The following CD302 variants were observed in gnomAD, a reference collection of about 807,000 sequenced individuals.
CD302 encodes CD302 antigen.
In CD302, 23 loss-of-function variants were observed where a neutral mutation model predicts 26.5. That is an observed-to-expected ratio of 0.87 (90% confidence interval 0.62 to 1.23). The LOEUF (loss-of-function observed/expected upper bound fraction) is 1.23, where lower values mean the gene tolerates loss of function less well. Among genes scored for constraint, CD302 ranks in the 50% most tolerant of loss-of-function variants. The probability of loss-of-function intolerance (pLI) is 0.00; values close to 1 mark genes in which losing one functional copy is unlikely to be tolerated. For synonymous variants in CD302, 90 were observed against 99.4 expected (o/e 0.91, Z 0.56); for missense variants, 290 against 275.5 (o/e 1.05, Z -0.37).
At chr2:159,797,654 C>T (rs919620501) in intron 1 of CD302, among the ~76,000 whole-genome samples, 1 of 152,202 alleles carries the variant, frequency 6.6e-6, no homozygotes, top group Non-Finnish European at 1.5e-5. Context: ...ACTAGACAAA[C>T]AGCGCTGCTT....
chr2:159,771,286 CTT>C lies in CD302; in HGVS notation c.*563_*564del, dbSNP rs1276915736. 4.6e-5 allele frequency: 7 copies of C among 152,506 alleles called. No individual in the cohort carries two copies. Among genetic ancestry groups the C allele is most frequent in the Admixed American group, 3.9e-4 (6 of 15,320 alleles). 9.4% of individuals were successfully genotyped at this position (152,506 alleles called of 1,614,324 possible). The stretch of plus-strand genomic sequence containing the variant: ...AATAATTTATAAACATTCATTAAAA[CTT>C]GAGTCATTTGTGATAAAATGGTGTG... On this transcript the variant is annotated 3_prime_UTR_variant, in exon 6 of 6. Coordinates refer to ENST00000259053, the MANE Select transcript of CD302 (RefSeq NM_014880.5).
chr2:159,798,069 G>A, intron 1 of CD302, 63 bp downstream of exon 1: 4 of 1,428,130 alleles, frequency 2.8e-6, no homozygotes, highest in Non-Finnish European at 3.7e-6. Flanking sequence ...CGAAGAGCGT[G>A]CGTTGGGAAG....
intron 1 of CD302, among the ~76,000 whole-genome samples, chr2:159,788,914 C>T (rs1314905539): frequency 6.6e-6 from 1 of 152,076 alleles, no homozygotes; most frequent in Non-Finnish European, 1.5e-5. Flanking sequence ...CCTGTATATC[C>T]TTTTGCTCTT....
intron 5 of CD302, among the ~76,000 whole-genome samples, chr2:159,775,745 A>G (rs1039438319): frequency 6.6e-6 from 1 of 152,188 alleles, no homozygotes; most frequent in South Asian, 2.1e-4. Flanking sequence ...TCATTTTGTA[A>G]AATGGAAACT....
In CD302 at chr2:159,771,392, C is replaced by A. The variant is rs944030675; in HGVS notation, c.*459G>T. On this transcript the variant is annotated 3_prime_UTR_variant, in exon 6 of 6. Coordinates refer to ENST00000259053, the MANE Select transcript of CD302 (RefSeq NM_014880.5). Reference sequence around the variant, plus strand: ...TCTTCATCTAAATCATAAAAAGATACACATTCTAGAGGAATTATCTGCCAA... The same window carrying A: ...TCTTCATCTAAATCATAAAAAGATAAACATTCTAGAGGAATTATCTGCCAA... 1 of 152,666 alleles carries A rather than the reference C, an allele frequency of 6.6e-6. No individual in the cohort carries two copies. The highest frequency in any genetic ancestry group is 1.5e-5 in the Non-Finnish European group (1 of 68,438). The allele number at this position is 152,666 out of a possible 1,614,324, so 9.5% of individuals were successfully genotyped here.
chr2:159,784,043 C>A (rs1055114510), intron 1 of CD302, among the ~76,000 whole-genome samples: 6 of 152,110 alleles, frequency 3.9e-5, no homozygotes, highest in Admixed American at 3.3e-4. Context: ...GAAATAGAAC[C>A]ATAACTCTTC....
intron 1 of CD302, among the ~76,000 whole-genome samples, chr2:159,784,774 C>A (rs1420923727): frequency 1.3e-5 from 2 of 152,112 alleles, no homozygotes; most frequent in Non-Finnish European, 2.9e-5. Flanking sequence ...GTTTACTAAG[C>A]TCAGAATATG....
chr2:159,791,550 C>T (rs1708807332), intron 1 of CD302, among the ~76,000 whole-genome samples: 1 of 152,126 alleles, frequency 6.6e-6, no homozygotes, highest in Non-Finnish European at 1.5e-5. Context: ...TCCTGTTTTC[C>T]CAAATGATTG....
chr2:159,794,133 C>T (rs1022237276), intron 1 of CD302, among the ~76,000 whole-genome samples: 3 of 150,744 alleles, frequency 2.0e-5, no homozygotes, highest in Non-Finnish European at 3.0e-5. Context: ...GGCATGGTGG[C>T]ATGCACCTGT....
At position 159,798,162 on chromosome 2, in the gene CD302, ACGG is replaced by A; in HGVS notation, c.34_36del (p.Pro12del). On this transcript the variant is annotated inframe_deletion, in exon 1 of 6. Transcript: ENST00000259053. Reference sequence around the variant, plus strand: ...ACGGCAGCAGCGGCGAGGCCCAGCAACGGCAGCAGGAGCGCGGGCAGCGCGGCC... The same window carrying A: ...ACGGCAGCAGCGGCGAGGCCCAGCAACAGCAGGAGCGCGGGCAGCGCGGCC... 6.7e-7 allele frequency: 1 copy of A among 1,483,408 alleles called. No individual in the cohort carries two copies. The highest frequency in any genetic ancestry group is 8.9e-7 in the Non-Finnish European group (1 of 1,122,686). The allele number at this position is 1,483,408 out of a possible 1,614,324, so 91.9% of individuals were successfully genotyped here.
At chr2:159,777,755 A>C (rs551752717) in intron 5 of CD302, among the ~76,000 whole-genome samples, 183 bp downstream of exon 5, 35 of 152,312 alleles carry the variant, frequency 2.3e-4, no homozygotes, top group Non-Finnish European at 4.6e-4. Flanking sequence ...ACAAAACTAC[A>C]TATTGTAGAA....
chr2:159,773,041 C>A (rs888886132), intron 5 of CD302, among the ~76,000 whole-genome samples: 1 of 151,904 alleles, frequency 6.6e-6, no homozygotes, highest in Non-Finnish European at 1.5e-5. Context: ...TGAAAAAAAG[C>A]CAAGAATTCC....
Position 159,771,864 on chromosome 2 carries a change from A to G in CD302, c.686T>C (p.Val229Ala), listed in dbSNP as rs1257403350. The G allele has an allele frequency of 6.2e-6, 10 of 1,613,774 alleles. No homozygotes were observed. The highest frequency in any genetic ancestry group is 1.3e-5 in the African/African-American group (1 of 74,930). ...LVVGEENEYP[V>A]QFD ...ATTACCAAAAACTTAGTCAAATTGAACAGGATATTCATTTTCTTCTCCAAC... is the reference window on the plus strand; with the variant it reads ...ATTACCAAAAACTTAGTCAAATTGAGCAGGATATTCATTTTCTTCTCCAAC... Residue 229 changes from valine (V) to alanine (A), a missense_variant, in exon 6 of 6, where the codon GTT (valine) becomes GCT (alanine). By Grantham distance (64) the Val-to-Ala change is moderately conservative (BLOSUM62 0). Transcript: ENST00000259053.
chr2:159,794,611 C>T (rs1238735705), intron 1 of CD302, among the ~76,000 whole-genome samples: 6 of 151,670 alleles, frequency 4.0e-5, no homozygotes, highest in Admixed American at 6.6e-5. Context: ...TGCAGTGGCG[C>T]GATCTCAGCT....
chr2:159,789,394 A>T (rs1163171267), intron 1 of CD302, among the ~76,000 whole-genome samples: 1 of 152,152 alleles, frequency 6.6e-6, no homozygotes, highest in African/African-American at 2.4e-5. Context: ...TTATATTTTT[A>T]AAATTTCAAT....
intron 1 of CD302, among the ~76,000 whole-genome samples, chr2:159,794,305 T>TAAAATAAAATAATAA (rs1553795853): frequency 0.14 from 14,722 of 107,476 alleles, 1,696 homozygotes; most frequent in Admixed American, 0.28. Flanking sequence ...AATAAAATAA[T>TAAAATAAAATAATAA]AAAAAAAAAA....
At chr2:159,792,949 A>G (rs1364023928) in intron 1 of CD302, among the ~76,000 whole-genome samples, 2 of 152,196 alleles carry the variant, frequency 1.3e-5, no homozygotes, top group Non-Finnish European at 2.9e-5. Flanking sequence ...CTCAAAAGAT[A>G]TATTTTTACT....
intron 4 of CD302, among the ~76,000 whole-genome samples, chr2:159,779,705 T>C (rs969377942): frequency 3.9e-5 from 6 of 152,000 alleles, no homozygotes; most frequent in Non-Finnish European, 8.8e-5. Context: ...CCAGGCTCAA[T>C]TGATCCTCCC....
intron 2 of CD302, 58 bp from the exon 3 acceptor site, chr2:159,781,056 T>A: frequency 2.2e-6 from 3 of 1,360,866 alleles, no homozygotes; most frequent in Non-Finnish European, 3.1e-6. Context: ...TGAAAATCAC[T>A]AGGTACATAA....
Sources: allele counts gnomAD v4.1 joint callset (sites outside exome capture counted in the v4.1 genomes callset), GRCh38; gene constraint gnomAD v4.1.1; transcripts MANE v1.5; gene names NCBI Gene and HGNC (gene_info 2026-07-23, HGNC 2026-07-21).